Variants in TTC28 observed in about 807,000 individuals in gnomAD.
The protein encoded by TTC28 is tetratricopeptide repeat protein 28.
Under a neutral mutation model 198.0 loss-of-function variants are expected in TTC28, and 61 were observed. The observed-to-expected ratio is 0.31, with a 90% CI of 0.25 to 0.38. TTC28 has a LOEUF of 0.38. Among genes scored for constraint, TTC28 ranks in the 10% least tolerant of loss-of-function variants. The pLI, the probability that TTC28 is intolerant of heterozygous loss-of-function variation, is 1.00. For synonymous variants in TTC28, 1,171 were observed against 1,297.8 expected (o/e 0.90, Z 2.10); for missense variants, 2,678 against 3,164.0 (o/e 0.85, Z 3.69).
intron 3 of TTC28, among the ~76,000 whole-genome samples, chr22:28,305,764 A>G (rs2045131866): frequency 6.6e-6 from 1 of 152,166 alleles, no homozygotes; most frequent in Admixed American, 6.5e-5. Flanking sequence ...TGCTATACAT[A>G]CTTTTAGTCA....
chr22:28,335,108 G>A (rs1053289028), intron 2 of TTC28, among the ~76,000 whole-genome samples: 1 of 152,190 alleles, frequency 6.6e-6, no homozygotes, highest in African/African-American at 2.4e-5. Context: ...TTATTAAATA[G>A]GGAATCCTTT....
intron 6 of TTC28, among the ~76,000 whole-genome samples, chr22:28,161,071 C>T (rs1346820460): frequency 6.6e-6 from 1 of 152,006 alleles, no homozygotes; most frequent in African/African-American, 2.4e-5. Flanking sequence ...AGGGAAAAAC[C>T]CCAAATATTT....
chr22:28,257,716 A>C (rs1931027604), intron 5 of TTC28, among the ~76,000 whole-genome samples: 1 of 132,922 alleles, frequency 7.5e-6, no homozygotes, highest in Non-Finnish European at 1.5e-5. Context: ...GTAAATTTTT[A>C]CCATCTTTAG....
Position 28,629,955 on chromosome 22 carries a change from G to A in TTC28, c.103-125C>T, listed in dbSNP as rs1339815024. On this transcript the variant is annotated intron_variant, in intron 1 of 22. Transcript: ENST00000397906. ...AATGTGATCCCCAGTATTGGAGGTG[G>A]GGCCTAATGGGAGGTGTTTAGGTCA... 4.9e-6 allele frequency: 4 copies of A among 818,718 alleles called. No individual in the cohort carries two copies. The African/African-American group carries it at 5.2e-5, about 11-fold the overall frequency. 50.7% of individuals were successfully genotyped at this position (818,718 alleles called of 1,614,324 possible). A position where few individuals can be genotyped will look rare whatever the true frequency, so the allele number is the denominator to read the frequency against.
At chr22:28,181,925 T>C (rs1923738692) in intron 5 of TTC28, among the ~76,000 whole-genome samples, 1 of 152,154 alleles carries the variant, frequency 6.6e-6, no homozygotes. Flanking sequence ...TGAACTCCAT[T>C]CTATGTAGCT....
chr22:28,649,681 G>A (rs1323037890), intron 1 of TTC28, among the ~76,000 whole-genome samples: 1 of 152,078 alleles, frequency 6.6e-6, no homozygotes, highest in Non-Finnish European at 1.5e-5. Flanking sequence ...CATTTTATAT[G>A]GTAAATAGCC....
chr22:28,114,533 G>A (rs1321109201), intron 6 of TTC28, among the ~76,000 whole-genome samples: 34 of 151,794 alleles, frequency 2.2e-4, no homozygotes, highest in Admixed American at 2.2e-3. Context: ...TGCACCTGGA[G>A]ACAAATCTCC....
chr22:28,086,046 T>C (rs1019084584), intron 12 of TTC28, among the ~76,000 whole-genome samples: 4 of 151,994 alleles, frequency 2.6e-5, no homozygotes, highest in Non-Finnish European at 4.4e-5. Flanking sequence ...AGACTTAGAC[T>C]CCCACACAAT....
chr22:28,250,750 A>C (rs1358075113), intron 5 of TTC28, among the ~76,000 whole-genome samples: 2 of 152,248 alleles, frequency 1.3e-5, no homozygotes, highest in Non-Finnish European at 2.9e-5. Flanking sequence ...AAATATCTGC[A>C]AACAGCAGTT....
At chr22:28,449,988 A>G (rs2047756589) in intron 2 of TTC28, among the ~76,000 whole-genome samples, 1 of 152,206 alleles carries the variant, frequency 6.6e-6, no homozygotes. Flanking sequence ...ACAGAAAAAA[A>G]TGTTGGATAC....
At chr22:28,028,999 C>T (rs1452568490) in intron 13 of TTC28, 2 of 471,150 alleles carry the variant, frequency 4.2e-6, no homozygotes, top group Non-Finnish European at 4.4e-6. Flanking sequence ...AGTTTATCAC[C>T]ACAGCCTGCA....
chr22:28,018,294 TGTGTGCGCGCGCGG>T (rs1938454923), intron 13 of TTC28, among the ~76,000 whole-genome samples: 1 of 56,708 alleles, frequency 1.8e-5, no homozygotes, highest in Non-Finnish European at 3.3e-5. Flanking sequence ...TGTGCGCGCG[TGTGTGCGCGCGCGG>T]GGGGGGGGGC....
intron 2 of TTC28, among the ~76,000 whole-genome samples, chr22:28,435,163 CAAAG>C (rs2047500253): frequency 6.6e-6 from 1 of 152,058 alleles, no homozygotes; most frequent in Admixed American, 6.6e-5. Context: ...AGGTGTAAGT[CAAAG>C]AACATAATTT....
At chr22:28,256,523 C>T (rs938666397) in intron 5 of TTC28, among the ~76,000 whole-genome samples, 16 of 151,562 alleles carry the variant, frequency 1.1e-4, no homozygotes, top group Non-Finnish European at 1.5e-4. Context: ...AGATTCAATG[C>T]GTCTCTATCA....
At chr22:28,242,564 C>T (rs1929732474) in intron 5 of TTC28, among the ~76,000 whole-genome samples, 1 of 152,056 alleles carries the variant, frequency 6.6e-6, no homozygotes, top group Admixed American at 6.6e-5. Flanking sequence ...GTGGTTTATG[C>T]AGGAATTATT....
chr22:28,324,067 A>G (rs1016398421), intron 2 of TTC28, among the ~76,000 whole-genome samples: 5 of 152,158 alleles, frequency 3.3e-5, no homozygotes, highest in Admixed American at 1.3e-4. Context: ...GACAAACAAA[A>G]CCTGAGGGAT....
chr22:28,558,474 G>C (rs2049819044), intron 2 of TTC28, among the ~76,000 whole-genome samples: 1 of 151,434 alleles, frequency 6.6e-6, no homozygotes, highest in Non-Finnish European at 1.5e-5. Context: ...AGGAGTTCAA[G>C]ACCAGCCTGA....
intron 6 of TTC28, among the ~76,000 whole-genome samples, chr22:28,126,419 T>C (rs940164197): frequency 1.3e-5 from 2 of 152,236 alleles, no homozygotes; most frequent in Non-Finnish European, 2.9e-5. Context: ...CTTCCAATCC[T>C]GCTCTCTACA....
intron 14 of TTC28, among the ~76,000 whole-genome samples, chr22:28,012,842 T>A (rs1372532779): frequency 2.0e-5 from 3 of 152,200 alleles, no homozygotes; most frequent in African/African-American, 7.2e-5. Context: ...TAACCTGCTC[T>A]AACCTGTTGC....
Sources: allele counts gnomAD v4.1 joint callset (sites outside exome capture counted in the v4.1 genomes callset), GRCh38; gene constraint gnomAD v4.1.1; transcripts MANE v1.5; gene names NCBI Gene and HGNC (gene_info 2026-07-23, HGNC 2026-07-21).